MAGI2: variants seen among roughly 807,000 people sequenced by gnomAD.
MAGI2 encodes the protein membrane associated guanylate kinase, WW and PDZ domain containing 2.
MAGI2 carries 35 observed loss-of-function variants against 133.3 expected under a neutral mutation model. The ratio of observed to expected loss-of-function variants is 0.26; its 90% CI spans 0.20 to 0.35. The LOEUF is 0.35. MAGI2 is among the 10% of genes least tolerant of loss of function. The pLI is 1.00. For missense variants in MAGI2, 1,636 were observed against 1,863.4 expected (o/e 0.88, Z 2.25); for synonymous variants, 729 against 710.6 (o/e 1.03, Z -0.41).
intron 21 of MAGI2, among the ~76,000 whole-genome samples, chr7:78,049,734 T>C (rs1811822973): frequency 1.3e-5 from 2 of 152,244 alleles, no homozygotes; most frequent in South Asian, 4.1e-4. Context: ...TTGACGAGAC[T>C]GTATCCTTGT....
chr7:79,274,478 T>A (rs538929186), intron 1 of MAGI2, among the ~76,000 whole-genome samples: 1 of 152,060 alleles, frequency 6.6e-6, no homozygotes, highest in Non-Finnish European at 1.5e-5. Flanking sequence ...AAGCACATGG[T>A]TTTCCGTGAG....
At chr7:78,234,702 A>G in intron 10 of MAGI2, among the ~76,000 whole-genome samples, 1 of 151,918 alleles carries the variant, frequency 6.6e-6, no homozygotes, top group Admixed American at 6.6e-5. Context: ...ATAGCAAGAT[A>G]CTGCTATAGG....
At chr7:78,871,357 G>T (rs1795017359) in intron 2 of MAGI2, among the ~76,000 whole-genome samples, 1 of 151,922 alleles carries the variant, frequency 6.6e-6, no homozygotes, top group African/African-American at 2.4e-5. Context: ...GGACTCAGGG[G>T]GTGAGGGATA....
At chr7:78,085,180 G>A (rs983310053) in intron 20 of MAGI2, among the ~76,000 whole-genome samples, 4 of 152,160 alleles carry the variant, frequency 2.6e-5, no homozygotes, top group African/African-American at 4.8e-5. Flanking sequence ...ATTCATTTAT[G>A]TATTGAAAAC....
intron 6 of MAGI2, among the ~76,000 whole-genome samples, chr7:78,373,544 T>TAG (rs899520950): frequency 3.2e-5 from 3 of 93,710 alleles, no homozygotes; most frequent in Admixed American, 2.9e-4. Context: ...CTAGGTCACT[T>TAG]ACTCTTACTA....
chr7:78,076,056 G>A (rs1815254245), intron 21 of MAGI2, among the ~76,000 whole-genome samples: 1 of 152,188 alleles, frequency 6.6e-6, no homozygotes, highest in African/African-American at 2.4e-5. Context: ...GCAGACAAGT[G>A]CTAATATTAC....
chr7:78,558,536 G>A (rs1356672864), intron 3 of MAGI2, among the ~76,000 whole-genome samples: 1 of 152,136 alleles, frequency 6.6e-6, no homozygotes, highest in Non-Finnish European at 1.5e-5. Context: ...AGTGAAAATG[G>A]TTACTTTTGA....
Position 78,160,057 on chromosome 7 carries a change from G to C in MAGI2, c.2813C>G (p.Ser938Cys), listed in dbSNP as rs748417906. ...GGATCCAGACTCAGGCCTGTTCAGG[G>C]AGCTGATGATGACAAAGCCGAAGCC... is the stretch of plus-strand genomic sequence containing the variant. The part of the protein sequence containing the change: ...NEGFGFVIIS[S>C]LNRPESGSTI... The change falls in exon 16 of 22, where the codon TCC becomes TGC. Residue 938 changes from serine to cysteine, a missense_variant. Physicochemically the swap from Ser to Cys is moderately radical, Grantham distance 112. Transcript: ENST00000354212. 1 of 1,599,924 alleles carries C rather than the reference G, an allele frequency of 6.3e-7. No individual in the cohort carries two copies. Among genetic ancestry groups the C allele is most frequent in the South Asian group, 1.1e-5 (1 of 88,260 alleles).
chr7:78,110,326 T>G (rs770648308), intron 20 of MAGI2, among the ~76,000 whole-genome samples: 1 of 152,184 alleles, frequency 6.6e-6, no homozygotes, highest in Non-Finnish European at 1.5e-5. Context: ...GATACCATCC[T>G]AAAGACCAGG....
chr7:79,371,761 T>C (rs1415111768), intron 1 of MAGI2, among the ~76,000 whole-genome samples: 1 of 152,138 alleles, frequency 6.6e-6, no homozygotes, highest in East Asian at 1.9e-4. Context: ...TTTTTAGAAT[T>C]TTTGAGTGCT....
intron 1 of MAGI2, among the ~76,000 whole-genome samples, chr7:79,149,956 G>C (rs374088458): frequency 2.0e-4 from 30 of 152,276 alleles, no homozygotes; most frequent in African/African-American, 7.0e-4. Context: ...CAATAGGAGA[G>C]CTGCAAGTGT....
At chr7:79,123,049 G>A (rs757151770) in intron 1 of MAGI2, among the ~76,000 whole-genome samples, 1 of 152,128 alleles carries the variant, frequency 6.6e-6, no homozygotes, top group Admixed American at 6.6e-5. Flanking sequence ...GAGAATGAAG[G>A]AAACAACCAC....
chr7:78,592,675 A>AC (rs1466571121), intron 3 of MAGI2, among the ~76,000 whole-genome samples: 1 of 152,130 alleles, frequency 6.6e-6, no homozygotes, highest in African/African-American at 2.4e-5. Context: ...TTGTCTAAGC[A>AC]ATGAACAGAT....
At chr7:79,291,033 C>T (rs916686251) in intron 1 of MAGI2, among the ~76,000 whole-genome samples, 3 of 151,944 alleles carry the variant, frequency 2.0e-5, no homozygotes, top group African/African-American at 7.2e-5. Context: ...ATATTTTCAC[C>T]ACCTTAGAAA....
At chr7:78,177,823 G>T (rs527543840) in intron 14 of MAGI2, among the ~76,000 whole-genome samples, 188 bp downstream of exon 14, 1 of 152,072 alleles carries the variant, frequency 6.6e-6, no homozygotes, top group Non-Finnish European at 1.5e-5. Context: ...GATATTTGTC[G>T]TGGAGATAAC....
chr7:78,128,429 A>G (rs1195331821), intron 18 of MAGI2, among the ~76,000 whole-genome samples: 1 of 152,214 alleles, frequency 6.6e-6, no homozygotes, highest in Non-Finnish European at 1.5e-5. Flanking sequence ...GAAAAAATAC[A>G]TTCTACATAG....
At chr7:78,093,405 G>A (rs564286251) in intron 20 of MAGI2, among the ~76,000 whole-genome samples, 1 of 152,122 alleles carries the variant, frequency 6.6e-6, no homozygotes, top group South Asian at 2.1e-4. Context: ...AATGATCCGA[G>A]ATCGTGCCAC....
At chr7:78,084,825 G>T (rs930514090) in intron 20 of MAGI2, among the ~76,000 whole-genome samples, 2 of 152,354 alleles carry the variant, frequency 1.3e-5, no homozygotes, top group East Asian at 3.9e-4. Context: ...AGGACAGGCT[G>T]ATTTCCAACT....
chr7:78,458,832 C>T (rs7789944), intron 6 of MAGI2, among the ~76,000 whole-genome samples: 38,308 of 151,992 alleles, frequency 0.25, 4,877 homozygotes, highest in Middle Eastern at 0.35. Flanking sequence ...GACGGTGTTT[C>T]TCCGTGTTAG....
Sources: allele counts gnomAD v4.1 joint callset (sites outside exome capture counted in the v4.1 genomes callset), GRCh38; gene constraint gnomAD v4.1.1; transcripts MANE v1.5; gene names NCBI Gene and HGNC (gene_info 2026-07-23, HGNC 2026-07-21).